CIT: variants seen among roughly 807,000 people sequenced by gnomAD.
The protein encoded by CIT is citron Rho-interacting kinase.
Under a neutral mutation model 272.7 loss-of-function variants are expected in CIT, and 79 were observed. The observed-to-expected ratio is 0.29, with a 90% CI of 0.24 to 0.35. The LOEUF (loss-of-function observed/expected upper bound fraction) is 0.35, where lower values mean the gene tolerates loss of function less well. CIT is among the 10% of genes least tolerant of loss of function. CIT has a pLI of 1.00. For missense variants in CIT, 1,909 were observed against 2,618.3 expected, an observed-to-expected ratio of 0.73 and a Z score of 5.91; for synonymous variants, 948 against 995.6, an observed-to-expected ratio of 0.95 and a Z score of 0.90.
In CIT at chr12:119,772,893, C is replaced by G. The variant is rs141771302; in HGVS notation, c.1959G>C (p.Thr653=). The G allele has an allele frequency of 6.2e-7, 1 of 1,613,576 alleles. No homozygotes were observed. The highest frequency in any genetic ancestry group is 2.2e-5 in the East Asian group (1 of 44,832). ...TATTCTGCAGCAGCTCGGTGGCCTCCGTGCTGGCTTTTACAGCCTAGGAAG... is the reference window on the plus strand; with the variant it reads ...TATTCTGCAGCAGCTCGGTGGCCTCGGTGCTGGCTTTTACAGCCTAGGAAG... ...EKLEKAVKAS[T]EATELLQNIR... is the part of the protein sequence containing the mutation. The change falls in exon 17 of 48, where the codon ACG becomes ACC. Residue 653 remains threonine (T), a synonymous_variant. Transcript: ENST00000392521.
chr12:119,688,334 A>G, intron 47 of CIT, 79 bp from the exon 48 acceptor site: 1 of 1,390,080 alleles, frequency 7.2e-7, no homozygotes, highest in Non-Finnish European at 1.0e-6. Context: ...GCAAATGGGA[A>G]TCTGCAGCCC....
chr12:119,876,852 G>A (rs1378966389), intron 1 of CIT, among the ~76,000 whole-genome samples: 1 of 152,190 alleles, frequency 6.6e-6, no homozygotes, highest in African/African-American at 2.4e-5. Flanking sequence ...ATGAGGTGAT[G>A]GGGTGGGCAC....
At chr12:119,706,853 G>A (rs1352701052) in intron 40 of CIT, among the ~76,000 whole-genome samples, 1 of 152,112 alleles carries the variant, frequency 6.6e-6, no homozygotes, top group Non-Finnish European at 1.5e-5. Context: ...GGTCTTTGAG[G>A]ATCCCCACAC....
At chr12:119,739,879 C>G (rs1008230407) in intron 24 of CIT, among the ~76,000 whole-genome samples, 2 of 152,144 alleles carry the variant, frequency 1.3e-5, no homozygotes, top group Non-Finnish European at 2.9e-5. Context: ...CCTCACCCAG[C>G]CCCCAAAGAG....
chr12:119,860,987 G>C (rs188994702), intron 3 of CIT, among the ~76,000 whole-genome samples: 16 of 151,918 alleles, frequency 1.1e-4, no homozygotes, highest in African/African-American at 3.1e-4. Context: ...TGGGTATGGT[G>C]ACACATGCCT....
At chr12:119,720,615 A>T (rs994586634) in intron 29 of CIT, 30 bp from the exon 30 acceptor site, 16 of 1,477,264 alleles carry the variant, frequency 1.1e-5, no homozygotes, top group Non-Finnish European at 1.4e-5. Context: ...ACTAACCTCA[A>T]ATCCAGACAG....
At chr12:119,865,561 A>G (rs1270063314) in intron 3 of CIT, among the ~76,000 whole-genome samples, 1 of 152,212 alleles carries the variant, frequency 6.6e-6, no homozygotes, top group African/African-American at 2.4e-5. Context: ...CAATTCCAAC[A>G]CAGCCTCATT....
Position 119,718,321 on chromosome 12 carries a change from C to A in CIT, c.4092G>T (p.Ser1364=), listed in dbSNP as rs367917273. Residue 1364 remains serine, a synonymous_variant, in exon 32 of 48, where the codon TCG becomes TCT. Coordinates refer to ENST00000392521, the MANE Select transcript of CIT (RefSeq NM_001206999.2). The surrounding 1 kb of genome is among the most constrained non-coding windows in gnomAD (Gnocchi z 4.8). The part of the protein sequence containing the change: ...QQIAMSAIVR[S]PEHQPSAMSL... ...TCATGGCACTGGGCTGGTGCTCTGG[C>A]GACCGCACGATGGCGGACATGGCGA... 6.6e-5 allele frequency: 106 copies of A among 1,613,844 alleles called. 2 individuals are homozygous for A. The South Asian group carries it at 1.1e-3, about 17-fold the overall frequency.
chr12:119,812,364 A>G (rs542933323), intron 9 of CIT, among the ~76,000 whole-genome samples: 1 of 152,022 alleles, frequency 6.6e-6, no homozygotes, highest in African/African-American at 2.4e-5. Flanking sequence ...ACACCCAATA[A>G]CACATCAGAC....
rs1355996055 is a variant in CIT at position 119,775,708 on chromosome 12, C to T, written c.1941+78G>A. ...GACTAATTCTGTTTCTTTCATCTTTCGTGCTCTGGGACAAGGCAAAGATGT... is the reference window on the plus strand; with the variant it reads ...GACTAATTCTGTTTCTTTCATCTTTTGTGCTCTGGGACAAGGCAAAGATGT... On this transcript the variant is annotated intron_variant, in intron 16 of 47. Transcript: ENST00000392521. 5.4e-6 allele frequency: 6 copies of T among 1,110,578 alleles called. No individual in the cohort carries two copies. The East Asian group carries it at 9.4e-5, about 17-fold the overall frequency. 68.8% of individuals were successfully genotyped at this position (1,110,578 alleles called of 1,614,324 possible). A position where few individuals can be genotyped will look rare whatever the true frequency, so the allele number is the denominator to read the frequency against.
At position 119,688,151 on chromosome 12, in the gene CIT, G is replaced by T; in HGVS notation, c.*81C>A. On this transcript the variant is annotated 3_prime_UTR_variant, in exon 48 of 48. Transcript: ENST00000392521. Reference sequence around the variant, plus strand: ...GGGTGGCTGAGCACGTGGGCGCTTGGGTCCCCATCAGCAGAGTTCCATAGT... The same window carrying T: ...GGGTGGCTGAGCACGTGGGCGCTTGTGTCCCCATCAGCAGAGTTCCATAGT... 1 of 1,493,664 alleles carries T rather than the reference G, an allele frequency of 6.7e-7. No homozygotes were observed. 92.5% of individuals were successfully genotyped at this position (1,493,664 alleles called of 1,614,324 possible). A position where few individuals can be genotyped will look rare whatever the true frequency, so the allele number is the denominator to read the frequency against.
At chr12:119,740,592 G>A (rs1175840554) in intron 24 of CIT, among the ~76,000 whole-genome samples, 1 of 151,794 alleles carries the variant, frequency 6.6e-6, no homozygotes, top group African/African-American at 2.4e-5. Flanking sequence ...AAGGAAAAAA[G>A]AACTCCAGAT....
chr12:119,757,942 A>T (rs1961239261), intron 21 of CIT, among the ~76,000 whole-genome samples: 1 of 152,194 alleles, frequency 6.6e-6, no homozygotes, highest in Non-Finnish European at 1.5e-5. Flanking sequence ...AAAAGGACTA[A>T]GGAGAAAGAA....
intron 28 of CIT, among the ~76,000 whole-genome samples, chr12:119,726,412 T>TG (rs1555225474): frequency 1.4e-5 from 2 of 144,286 alleles, no homozygotes; most frequent in African/African-American, 5.5e-5. Flanking sequence ...TTTTTTTTTT[T>TG]GTAGAGATGG....
chr12:119,767,476 G>A (rs911644721), intron 18 of CIT, among the ~76,000 whole-genome samples: 5 of 152,212 alleles, frequency 3.3e-5, no homozygotes, highest in Non-Finnish European at 7.3e-5. Context: ...TTTGCATAGA[G>A]AAATAAGAGT....
intron 22 of CIT, among the ~76,000 whole-genome samples, chr12:119,756,508 A>G (rs1961001432): frequency 1.3e-5 from 2 of 152,186 alleles, no homozygotes. Flanking sequence ...ATGAAGGGAT[A>G]GTCCCTCCTT....
At chr12:119,772,401 T>G (rs1963264270) in intron 17 of CIT, among the ~76,000 whole-genome samples, 1 of 151,998 alleles carries the variant, frequency 6.6e-6, no homozygotes, top group East Asian at 1.9e-4. Context: ...GCCTTGAAAA[T>G]TAATATGCTA....
At chr12:119,775,717 G>C (rs1963683861) in intron 16 of CIT, 69 bp downstream of exon 16, 1 of 1,240,890 alleles carries the variant, frequency 8.1e-7, no homozygotes, top group Non-Finnish European at 1.2e-6. Flanking sequence ...TCGTGCTCTG[G>C]GACAAGGCAA....
rs1460444462 is a variant in CIT, at chr12:119,726,273, C to T, written c.3591+2229G>A. Among the ~76,000 whole-genome samples the T allele has an allele frequency of 4.0e-5, 6 of 151,812 alleles. No individual in the cohort carries two copies. The East Asian group carries it at 1.2e-3, about 29-fold the overall frequency. ...TCACTCTGTCACCCAGGCTACAGTG[C>T]AGTGGTACCATCAGAGCTCAATGCA... On this transcript the variant is annotated intron_variant, in intron 28 of 47. Transcript: ENST00000392521.
Sources: gnomAD v4.1 joint callset for allele counts (sites outside exome capture counted in the v4.1 genomes callset) on GRCh38, gnomAD v4.1.1 for gene constraint, Gnocchi (gnomAD v3.1) non-coding constraint, MANE v1.5 for transcripts, NCBI Gene and HGNC (gene_info 2026-07-23, HGNC 2026-07-21) for gene names.